Variants in ERVK3-1 observed in about 807,000 individuals in gnomAD.
ERVK3-1 encodes the protein HERV-K(HML6-1).
chr19:58,316,546 C>T (rs1401849524), downstream of ERVK3-1, among the ~76,000 whole-genome samples: 2 of 152,180 alleles, frequency 1.3e-5, no homozygotes, highest in Non-Finnish European at 2.9e-5. Context: ...TGATGCATGC[C>T]TGTAATCCCA....
intron 2 of ERVK3-1, among the ~76,000 whole-genome samples, chr19:58,307,197 A>G (rs1418356931): frequency 6.6e-6 from 1 of 152,242 alleles, no homozygotes; most frequent in African/African-American, 2.4e-5. Flanking sequence ...AGGGGTCTCA[A>G]TAAAATCTTT....
chr19:58,312,223 C>T lies in ERVK3-1; in HGVS notation c.55C>T (p.Arg19Trp), dbSNP rs11558785. ...TGTGTGTGACCATGGAACGGGAGAC[C>T]GGAGGGATCCATGGTATTCAACCGT... Residue 19 changes from arginine to tryptophan, a missense_variant, in exon 3 of 4, where the codon CGG becomes TGG. Physicochemically the swap from Arg to Trp is moderately radical, Grantham distance 101. Transcript: ENST00000413518. This position sits in a 1 kb window ranked among gnomAD's most constrained non-coding sequence, Gnocchi z 4.7. 8 of 399,852 alleles carry T rather than the reference C, an allele frequency of 2.0e-5. No individual in the cohort carries two copies. The highest frequency in any genetic ancestry group is 1.4e-4 in the East Asian group (4 of 28,076). The allele number at this position is 399,852 out of a possible 1,614,324, so 24.8% of individuals were successfully genotyped here.
chr19:58,307,649 GA>G (rs968681116), intron 2 of ERVK3-1, among the ~76,000 whole-genome samples: 3 of 95,530 alleles, frequency 3.1e-5, no homozygotes, highest in East Asian at 3.3e-4. Context: ...CACACACACA[GA>G]AAAAAAAACA....
At chr19:58,309,196 T>C (rs1411921913) in intron 2 of ERVK3-1, 1 of 152,210 alleles carries the variant, frequency 6.6e-6, no homozygotes, top group Non-Finnish European at 1.5e-5. Context: ...TGAAGGAGCC[T>C]CGGAATATGT....
rs562633603 is a variant in ERVK3-1, at chr19:58,312,567, T to C, written c.294+105T>C. 8.0e-5 allele frequency: 32 copies of C among 398,774 alleles called. No individual in the cohort carries two copies. The highest frequency in any genetic ancestry group is 1.2e-4 in the Non-Finnish European group (28 of 225,994). 24.7% of individuals were successfully genotyped at this position (398,774 alleles called of 1,614,324 possible). A position where few individuals can be genotyped will look rare whatever the true frequency, so the allele number is the denominator to read the frequency against. ...GCGACACTCCTCCTGAGATATATTA[T>C]GATCAGGGAGCGTGGGCACCAGGAC... On this transcript the variant is annotated intron_variant, in intron 3 of 3. Transcript: ENST00000413518. This position sits in a 1 kb window ranked among gnomAD's most constrained non-coding sequence, Gnocchi z 4.7.
At position 58,312,163 on chromosome 19, in the gene ERVK3-1, C is replaced by T. The variant is rs369401402; in HGVS notation, c.-3-3C>T. 2 of 400,042 alleles carry T rather than the reference C, an allele frequency of 5.0e-6. No individual in the cohort carries two copies. The highest frequency in any genetic ancestry group is 4.4e-6 in the Non-Finnish European group (1 of 226,120). The allele number at this position is 400,042 out of a possible 1,614,324, so 24.8% of individuals were successfully genotyped here. A position where few individuals can be genotyped will look rare whatever the true frequency, so the allele number is the denominator to read the frequency against. On this transcript the variant is annotated splice_region_variant and splice_polypyrimidine_tract_variant and intron_variant, in intron 2 of 3. Transcript: ENST00000413518. The surrounding 1 kb of genome is among the most constrained non-coding windows in gnomAD (Gnocchi z 4.7). ...GGACGAGGGTATGCTTGTGTTTTTACAGGAGATGGACAAACCGTGTGGGTG... is the reference window on the plus strand; with the variant it reads ...GGACGAGGGTATGCTTGTGTTTTTATAGGAGATGGACAAACCGTGTGGGTG...
At chr19:58,314,883 C>T (rs1322413450) in exon 4 of ERVK3-1, 1 of 397,840 alleles carries the variant, frequency 2.5e-6, no homozygotes, top group Non-Finnish European at 4.4e-6. Flanking sequence ...ACTCAGTATA[C>T]CACTGGAGGC....
chr19:58,309,243 T>C (rs1035132091), intron 2 of ERVK3-1: 3 of 152,222 alleles, frequency 2.0e-5, no homozygotes, highest in Non-Finnish European at 4.4e-5. Flanking sequence ...ATGGATAATA[T>C]TGTTTTGGCC....
At chr19:58,316,523 T>G (rs1447008189), downstream of ERVK3-1, among the ~76,000 whole-genome samples, 1 of 151,932 alleles carries the variant, frequency 6.6e-6, no homozygotes, top group African/African-American at 2.4e-5. Flanking sequence ...TACAAAAAAT[T>G]AGCTGGGCGT....
chr19:58,305,707 CATT>C (rs1209041845), intron 1 of ERVK3-1, among the ~76,000 whole-genome samples: 3 of 152,144 alleles, frequency 2.0e-5, no homozygotes, highest in African/African-American at 7.2e-5. Flanking sequence ...GTGACCAACT[CATT>C]ATACCACTGG....
chr19:58,316,585 C>T (rs373848755), downstream of ERVK3-1, among the ~76,000 whole-genome samples: 7 of 152,294 alleles, frequency 4.6e-5, no homozygotes, highest in African/African-American at 1.4e-4. Flanking sequence ...GCAGGTGAAT[C>T]GCTTGTTCCC....
chr19:58,310,908 C>G lies in ERVK3-1; in HGVS notation c.-3-1258C>G, dbSNP rs947658287. 4 of 384,400 alleles carry G rather than the reference C, an allele frequency of 1.0e-5. No homozygotes were observed. Among genetic ancestry groups the G allele is most frequent in the Non-Finnish European group, 2.1e-5 (4 of 187,318 alleles). The allele number at this position is 384,400 out of a possible 1,614,324, so 23.8% of individuals were successfully genotyped here. On this transcript the variant is annotated intron_variant, in intron 2 of 3. Transcript: ENST00000413518. This position sits in a 1 kb window ranked among gnomAD's most constrained non-coding sequence, Gnocchi z 4.7. The stretch of plus-strand genomic sequence containing the variant: ...TTCGCTACCGCTAGACCACGGTCTT[C>G]CCAAACGCTGGCGTCACCACTAGAC...
Position 58,305,461 on chromosome 19 carries a change from AGGAGAGGCGAGGGTGATTGTGAGGGAT to A in ERVK3-1, c.-133+26_-133+52del, listed in dbSNP as rs1299827357. The A allele has an allele frequency of 6.6e-6, 1 of 152,658 alleles. No homozygotes were observed. Among genetic ancestry groups the A allele is most frequent in the Non-Finnish European group, 1.5e-5 (1 of 68,308 alleles). 9.5% of individuals were successfully genotyped at this position (152,658 alleles called of 1,614,324 possible). A position where few individuals can be genotyped will look rare whatever the true frequency, so the allele number is the denominator to read the frequency against. On this transcript the variant is annotated intron_variant, in intron 1 of 3. Transcript: ENST00000413518. ...TGCCACAGTGGTGAGTGGTGTGTGG[AGGAGAGGCGAGGGTGATTGTGAGGGAT>A]GGAGAGGCGCCCGTGGCCTAAGTGT... is the stretch of plus-strand genomic sequence containing the variant.
intron 2 of ERVK3-1, among the ~76,000 whole-genome samples, chr19:58,308,713 C>G (rs1319856854): frequency 6.6e-6 from 1 of 152,110 alleles, no homozygotes; most frequent in Non-Finnish European, 1.5e-5. Context: ...CACCCACTGC[C>G]TTGCTGCTAG....
At chr19:58,314,131 T>C (rs954204844) in intron 3 of ERVK3-1, among the ~76,000 whole-genome samples, 1 of 152,224 alleles carries the variant, frequency 6.6e-6, no homozygotes, top group Non-Finnish European at 1.5e-5. Flanking sequence ...TCAATCATAT[T>C]CATATTTGTG....
At chr19:58,316,612 G>A (rs1287652146), downstream of ERVK3-1, among the ~76,000 whole-genome samples, 1 of 152,204 alleles carries the variant, frequency 6.6e-6, no homozygotes, top group African/African-American at 2.4e-5. Context: ...TAGAGATTGT[G>A]GTGAGCCAAG....
intron 3 of ERVK3-1, among the ~76,000 whole-genome samples, chr19:58,314,036 AAGGTAGCAATGTT>A (rs2051573897): frequency 6.6e-6 from 1 of 152,184 alleles, no homozygotes; most frequent in Non-Finnish European, 1.5e-5. Context: ...ATTACAAACA[AAGGTAGCAATGTT>A]AAAGGCTACT....
chr19:58,312,204 T>A lies in ERVK3-1; in HGVS notation c.36T>A (p.Cys12Ter). 1 of 400,140 alleles carries A rather than the reference T, an allele frequency of 2.5e-6. No individual in the cohort carries two copies. The highest frequency in any genetic ancestry group is 3.6e-5 in the East Asian group (1 of 28,076). The allele number at this position is 400,140 out of a possible 1,614,324, so 24.8% of individuals were successfully genotyped here. ...CGTGTGGGTGCCCTCCAGGTGTGTG[T>A]GACCATGGAACGGGAGACCGGAGGG... The change falls in exon 3 of 4, where the codon TGT (cysteine) becomes TGA (stop). Residue 12 changes from cysteine (C) to a stop codon, truncating the protein, a stop_gained. Transcript: ENST00000413518. LOFTEE classifies it high-confidence loss of function. This position sits in a 1 kb window ranked among gnomAD's most constrained non-coding sequence, Gnocchi z 4.7.
intron 2 of ERVK3-1, among the ~76,000 whole-genome samples, chr19:58,308,187 C>G (rs370083734): frequency 6.6e-6 from 1 of 152,192 alleles, no homozygotes; most frequent in African/African-American, 2.4e-5. Flanking sequence ...AAGAGGAAAT[C>G]AAGAATTTGG....
Sources: gnomAD v4.1 joint callset for allele counts (sites outside exome capture counted in the v4.1 genomes callset) on GRCh38, gnomAD v4.1.1 for gene constraint, Gnocchi (gnomAD v3.1) non-coding constraint, MANE v1.5 for transcripts, NCBI Gene and HGNC (gene_info 2026-07-23, HGNC 2026-07-21) for gene names.